MMP13: variants seen among roughly 807,000 people sequenced by gnomAD.
MMP13 encodes matrix metallopeptidase 13, also known as collagenase 3.
MMP13 carries 45 observed loss-of-function variants against 52.1 expected under a neutral mutation model. The ratio of observed to expected loss-of-function variants is 0.86; its 90% CI spans 0.68 to 1.11. MMP13 has a LOEUF of 1.11. MMP13 is among the 50% of genes least tolerant of loss of function. The probability of loss-of-function intolerance (pLI) is 0.00; values close to 1 mark genes in which losing one functional copy is unlikely to be tolerated. For synonymous variants in MMP13, 200 were observed against 204.4 expected, an observed-to-expected ratio of 0.98 and a Z score of 0.18; for missense variants, 576 against 583.8, an observed-to-expected ratio of 0.99 and a Z score of 0.14.
chr11:102,951,612 T>C (rs570202782), intron 5 of MMP13, among the ~76,000 whole-genome samples: 4 of 152,302 alleles, frequency 2.6e-5, no homozygotes, highest in African/African-American at 9.6e-5. Context: ...TAGAGTCATG[T>C]GTTGCTTAAC....
Position 102,947,980 on chromosome 11 carries a change from AC to A in MMP13, c.1121del (p.Gly374ValfsTer9). 6.2e-7 allele frequency: 1 copy of A among 1,613,850 alleles called. No individual in the cohort carries two copies. The highest frequency in any genetic ancestry group is 8.5e-7 in the Non-Finnish European group (1 of 1,179,894). Reference protein sequence around the residue: ...EGYPKKISELGLPKEVKKISA... With the variant: ...EGYPKKISELXLPKEVKKISA... ...TTATCTTCTTAACTTCTTTTGGAAG[AC>A]CCAGTTCAGATATTTTTTTGGGATA... On this transcript the variant is annotated frameshift_variant, in exon 8 of 10. Coordinates refer to ENST00000260302, the MANE Select transcript of MMP13 (RefSeq NM_002427.4). LOFTEE classifies it high-confidence loss of function.
At chr11:102,953,891 T>A (rs576983588) in intron 4 of MMP13, among the ~76,000 whole-genome samples, 16 of 152,312 alleles carry the variant, frequency 1.1e-4, no homozygotes, top group East Asian at 3.9e-4. Context: ...CTGACAGACA[T>A]AAACATTTTG....
chr11:102,954,285 C>T lies in MMP13; in HGVS notation c.512-4G>A, dbSNP rs754927616. ...AATGGGTAGAAGTCGCCATGCTCTA[C>T]ACACAAAAGCAAGGGTTAGGAGTCT... is the stretch of plus-strand genomic sequence containing the variant. On this transcript the variant is annotated splice_region_variant and splice_polypyrimidine_tract_variant and intron_variant, in intron 3 of 9. Transcript: ENST00000260302. 4.3e-6 allele frequency: 7 copies of T among 1,613,526 alleles called. No homozygotes were observed. In the East Asian group the frequency reaches 1.6e-4, roughly 36 times the overall value.
rs368161332 is a variant in MMP13, at chr11:102,954,498, G to A, written c.471C>T (p.His157=). The change falls in exon 3 of 10, where the codon CAC becomes CAT. Residue 157 remains histidine (H), a synonymous_variant. Transcript: ENST00000260302. ...AGATCATGATGTCAGCAATGCCATC[G>A]TGAAGTCTGGTAAAATTCAGAGGAG... ...DVTPLNFTRL[H]DGIADIMISF... 9.2e-5 allele frequency: 149 copies of A among 1,613,562 alleles called. No homozygotes were observed. Among genetic ancestry groups the A allele is most frequent in the Non-Finnish European group, 9.2e-5 (109 of 1,179,672 alleles).
chr11:102,950,626 C>G (rs563259948), intron 5 of MMP13, among the ~76,000 whole-genome samples: 1 of 152,156 alleles, frequency 6.6e-6, no homozygotes, highest in East Asian at 1.9e-4. Flanking sequence ...CTTGCCTCCT[C>G]CTCTTGACTA....
intron 5 of MMP13, among the ~76,000 whole-genome samples, chr11:102,950,749 G>A (rs1292470956): frequency 6.6e-6 from 1 of 152,124 alleles, no homozygotes; most frequent in Non-Finnish European, 1.5e-5. Flanking sequence ...GCGACATGTT[G>A]GTAAATTTCC....
chr11:102,955,533 G>A lies in MMP13; in HGVS notation c.121-40C>T. On this transcript the variant is annotated intron_variant, in intron 1 of 9. Transcript: ENST00000260302. This position sits in a 1 kb window ranked among gnomAD's most constrained non-coding sequence, Gnocchi z 4.9. ...AAAATGAACTGCGTTTAAAAGAGAA[G>A]GACATTTCTGAGATGTACCAACCGC... is the stretch of plus-strand genomic sequence containing the variant. The A allele has an allele frequency of 6.2e-7, 1 of 1,613,894 alleles. No homozygotes were observed.
At chr11:102,946,367 A>ATGAGAGCTT (rs1555016660) in intron 8 of MMP13, among the ~76,000 whole-genome samples, 1 of 152,196 alleles carries the variant, frequency 6.6e-6, no homozygotes, top group Non-Finnish European at 1.5e-5. Flanking sequence ...ACTGTTACTG[A>ATGAGAGCTT]TGAGAGCTTT....
At position 102,944,365 on chromosome 11, in the gene MMP13, A is replaced by C; in HGVS notation, c.1317T>G (p.Gly439=). Residue 439 remains glycine, a splice_region_variant and synonymous_variant, in exon 10 of 10, where the codon GGT becomes GGG. Coordinates refer to ENST00000260302, the MANE Select transcript of MMP13 (RefSeq NM_002427.4). ...TGGGTCCGTTGAAAAAATAGATATA[A>C]CCTATAAGAAAAAGCATAAAGACAA... ...DKVDAVYEKN[G]YIYFFNGPIQ... is the part of the protein sequence containing the mutation. 6.3e-7 allele frequency: 1 copy of C among 1,594,334 alleles called. No homozygotes were observed. Among genetic ancestry groups the C allele is most frequent in the Non-Finnish European group, 8.6e-7 (1 of 1,162,450 alleles).
Position 102,952,156 on chromosome 11 carries a change from C to T in MMP13, c.655G>A (p.Val219Ile). Residue 219 changes from valine (V) to isoleucine (I), a missense_variant, in exon 5 of 10, where the codon GTT (valine) becomes ATT (isoleucine). Transcript: ENST00000260302. The surrounding 1 kb of genome is among the most constrained non-coding windows in gnomAD (Gnocchi z 4.3). ...SSSKGYNLFL[V>I]AAHEFGHSLG... Reference sequence around the variant, plus strand: ...GAGTGGCCGAACTCATGCGCAGCAACAAGAAACAAGTTGTAGCCTGTAAGA... The same window carrying T: ...GAGTGGCCGAACTCATGCGCAGCAATAAGAAACAAGTTGTAGCCTGTAAGA... 1 of 1,612,696 alleles carries T rather than the reference C, an allele frequency of 6.2e-7. No homozygotes were observed. Among genetic ancestry groups the T allele is most frequent in the Non-Finnish European group, 8.5e-7 (1 of 1,179,194 alleles).
Position 102,944,282 on chromosome 11 carries a change from G to T in MMP13, c.1400C>A (p.Ser467Tyr), listed in dbSNP as rs781983836. The change falls in exon 10 of 10, where the codon TCC (serine) becomes TAC (tyrosine). Residue 467 changes from serine to tyrosine, a missense_variant. Transcript: ENST00000260302. The stretch of plus-strand genomic sequence containing the variant: ...AAAAGACACTTAACACCACAAAATG[G>T]AATTTGCTGGCATGACGCGAACAAT... ...NRIVRVMPAN[S>Y]ILWC 1.2e-6 allele frequency: 2 copies of T among 1,612,668 alleles called. No homozygotes were observed. Among genetic ancestry groups the T allele is most frequent in the African/African-American group, 2.7e-5 (2 of 74,836 alleles).
chr11:102,947,695 G>GTGTGTGTGTGTA (rs1284608483), intron 8 of MMP13, among the ~76,000 whole-genome samples, 196 bp downstream of exon 8: 2 of 149,496 alleles, frequency 1.3e-5, no homozygotes, highest in Non-Finnish European at 3.0e-5. Context: ...GTGTGTGTGT[G>GTGTGTGTGTGTA]TGTGTGTGTG....
intron 9 of MMP13, 57 bp downstream of exon 9, chr11:102,945,589 G>A (rs556726852): frequency 9.5e-7 from 1 of 1,053,618 alleles, no homozygotes; most frequent in Non-Finnish European, 1.5e-6. Flanking sequence ...GTACAGAAAA[G>A]AGTTTTGAGG....
At chr11:102,951,490 A>G (rs1555017310) in intron 5 of MMP13, among the ~76,000 whole-genome samples, 1 of 152,174 alleles carries the variant, frequency 6.6e-6, no homozygotes, top group African/African-American at 2.4e-5. Context: ...GGAGAATGAA[A>G]TCTTTTCTAT....
Position 102,949,211 on chromosome 11 carries a change from C to A in MMP13, c.918-53G>T, listed in dbSNP as rs563200298. On this transcript the variant is annotated intron_variant, in intron 6 of 9. Transcript: ENST00000260302. The surrounding 1 kb of genome is among the most constrained non-coding windows in gnomAD (Gnocchi z 4.2). ...TGTCACATTTTTAAATGCAATATTT[C>A]TATCCTGCTAGTCACCTCTCTCCAC... 20 of 1,597,540 alleles carry A rather than the reference C, an allele frequency of 1.3e-5. No homozygotes were observed. In the East Asian group the frequency reaches 4.1e-4, roughly 32 times the overall value.
In MMP13 at chr11:102,955,578, T is replaced by C. The variant is rs1402697890; in HGVS notation, c.120+8A>G. On this transcript the variant is annotated splice_region_variant and intron_variant, in intron 1 of 9. Transcript: ENST00000260302. This position sits in a 1 kb window ranked among gnomAD's most constrained non-coding sequence, Gnocchi z 4.9. ...AACCGCATCATCAGGATTGGCAAGATACTCTACCTCTGCAAACTGGAGGTC... is the reference window on the plus strand; with the variant it reads ...AACCGCATCATCAGGATTGGCAAGACACTCTACCTCTGCAAACTGGAGGTC... 1 of 1,613,986 alleles carries C rather than the reference T, an allele frequency of 6.2e-7. No individual in the cohort carries two copies. The highest frequency in any genetic ancestry group is 2.2e-5 in the East Asian group (1 of 44,878).
At position 102,955,043 on chromosome 11, in the gene MMP13, T is replaced by G. The variant is rs1476594438; in HGVS notation, c.362+209A>C. Among the ~76,000 whole-genome samples, 1 of 152,176 alleles carries G rather than the reference T, an allele frequency of 6.6e-6. No homozygotes were observed. Among genetic ancestry groups the G allele is most frequent in the African/African-American group, 2.4e-5 (1 of 41,436 alleles). On this transcript the variant is annotated intron_variant, in intron 2 of 9. Transcript: ENST00000260302. The surrounding 1 kb of genome is among the most constrained non-coding windows in gnomAD (Gnocchi z 4.9). Reference sequence around the variant, plus strand: ...TACTTTTATTTCTCTTTTGATTTCATCTCTAAAAGAAATACTTTGAGATGC... The same window carrying G: ...TACTTTTATTTCTCTTTTGATTTCAGCTCTAAAAGAAATACTTTGAGATGC...
Position 102,955,513 on chromosome 11 carries a change from G to A in MMP13, c.121-20C>T, listed in dbSNP as rs878897994. 6.2e-7 allele frequency: 1 copy of A among 1,613,958 alleles called. No homozygotes were observed. Among genetic ancestry groups the A allele is most frequent in the South Asian group, 1.1e-5 (1 of 91,056 alleles). On this transcript the variant is annotated intron_variant, in intron 1 of 9. Coordinates refer to ENST00000260302, the MANE Select transcript of MMP13 (RefSeq NM_002427.4). This position sits in a 1 kb window ranked among gnomAD's most constrained non-coding sequence, Gnocchi z 4.9. ...GTAGCGCTAGAAAAGACACCAAAAT[G>A]AACTGCGTTTAAAAGAGAAGGACAT...
At position 102,955,110 on chromosome 11, in the gene MMP13, G is replaced by T. The variant is rs890384172; in HGVS notation, c.362+142C>A. ...CTGAGTTAATGTAACAATAATAGAT[G>T]TTATGAGGTATTCTCGGCAACCATA... On this transcript the variant is annotated intron_variant, in intron 2 of 9. Coordinates refer to ENST00000260302, the MANE Select transcript of MMP13 (RefSeq NM_002427.4). This position sits in a 1 kb window ranked among gnomAD's most constrained non-coding sequence, Gnocchi z 4.9. The T allele has an allele frequency of 3.5e-6, 3 of 868,658 alleles. No homozygotes were observed. In the African/African-American group the frequency reaches 5.1e-5, roughly 15 times the overall value. The allele number at this position is 868,658 out of a possible 1,614,324, so 53.8% of individuals were successfully genotyped here.
Sources: allele counts gnomAD v4.1 joint callset (sites outside exome capture counted in the v4.1 genomes callset), GRCh38; gene constraint gnomAD v4.1.1; non-coding constraint Gnocchi (gnomAD v3.1); transcripts MANE v1.5; gene names NCBI Gene and HGNC (gene_info 2026-07-23, HGNC 2026-07-21).